The following CLSTN2 variants were observed in gnomAD, a reference collection of about 807,000 sequenced individuals.
The protein encoded by CLSTN2 is calsyntenin-2.
In CLSTN2, 48 loss-of-function variants were observed where a neutral mutation model predicts 101.2. The ratio of observed to expected loss-of-function variants is 0.47; its 90% confidence interval spans 0.38 to 0.60. The LOEUF (loss-of-function observed/expected upper bound fraction) is 0.60, where lower values mean the gene tolerates loss of function less well. Ranked by LOEUF, CLSTN2 falls within the 20% of genes least tolerant of loss-of-function variation. The pLI is 0.00. For synonymous variants in CLSTN2, 481 were observed against 463.6 expected, an observed-to-expected ratio of 1.04 and a Z score of -0.48; for missense variants, 1,160 against 1,238.2, an observed-to-expected ratio of 0.94 and a Z score of 0.95.
intron 2 of CLSTN2, among the ~76,000 whole-genome samples, chr3:140,261,885 AT>A (rs1477671932): frequency 2.0e-5 from 3 of 151,928 alleles, no homozygotes; most frequent in East Asian, 1.9e-4. Flanking sequence ...CCCACCTTCT[AT>A]TTTTTTATGG....
chr3:140,348,796 G>C (rs917993755), intron 2 of CLSTN2, among the ~76,000 whole-genome samples: 3 of 152,132 alleles, frequency 2.0e-5, no homozygotes, highest in African/African-American at 7.2e-5. Context: ...TTCCCCGAAG[G>C]TTCCACTGTG....
intron 1 of CLSTN2, among the ~76,000 whole-genome samples, chr3:140,115,267 C>T (rs546558180): frequency 6.6e-5 from 10 of 152,320 alleles, no homozygotes; most frequent in Admixed American, 4.6e-4. Context: ...TTCCTGGTTA[C>T]AAGACACCAT....
chr3:140,105,652 G>A (rs2009043795), intron 1 of CLSTN2, among the ~76,000 whole-genome samples: 2 of 152,178 alleles, frequency 1.3e-5, no homozygotes, highest in Admixed American at 6.5e-5. Flanking sequence ...GGGAGTGTGA[G>A]GCAGGGTGGG....
intron 2 of CLSTN2, among the ~76,000 whole-genome samples, chr3:140,290,447 T>G (rs1463221030): frequency 6.6e-6 from 1 of 152,094 alleles, no homozygotes; most frequent in African/African-American, 2.4e-5. Context: ...GGAAGACCAA[T>G]GCATGCCTCT....
At position 140,573,005 on chromosome 3, in the gene CLSTN2, T is replaced by C. The variant is rs1559909256; in HGVS notation, c.*6752T>C. ...AATTCCTGCCTGCCTGCCCCTTCTA[T>C]CCTAGAGAGAGAGACTGCCCAGGAG... On this transcript the variant is annotated 3_prime_UTR_variant, in exon 17 of 17. Transcript: ENST00000458420. 6.6e-6 allele frequency: 1 copy of C among 152,272 alleles called. No homozygotes were observed. The highest frequency in any genetic ancestry group is 1.5e-5 in the Non-Finnish European group (1 of 68,136). 9.4% of individuals were successfully genotyped at this position (152,272 alleles called of 1,614,324 possible). A position where few individuals can be genotyped will look rare whatever the true frequency, so the allele number is the denominator to read the frequency against.
intron 1 of CLSTN2, among the ~76,000 whole-genome samples, chr3:140,074,311 G>A (rs2008449723): frequency 6.6e-6 from 1 of 152,130 alleles, no homozygotes; most frequent in Non-Finnish European, 1.5e-5. Context: ...CCCAACAGTG[G>A]ATGGACAGAG....
intron 6 of CLSTN2, among the ~76,000 whole-genome samples, chr3:140,457,272 G>A (rs908897862): frequency 6.6e-6 from 1 of 152,182 alleles, no homozygotes; most frequent in African/African-American, 2.4e-5. Context: ...TGCTCAGCCT[G>A]CATCTCTCTG....
chr3:140,467,596 G>T (rs1576584520), intron 8 of CLSTN2, among the ~76,000 whole-genome samples: 1 of 152,162 alleles, frequency 6.6e-6, no homozygotes, highest in South Asian at 2.1e-4. Context: ...ACCTCATTTT[G>T]TTTTTATTCT....
intron 1 of CLSTN2, among the ~76,000 whole-genome samples, chr3:139,949,272 T>C (rs1407187515): frequency 1.3e-5 from 2 of 152,130 alleles, no homozygotes; most frequent in Non-Finnish European, 2.9e-5. Context: ...ATGGATGAAG[T>C]AGGTGGATGA....
intron 1 of CLSTN2, among the ~76,000 whole-genome samples, chr3:139,978,075 G>T (rs1167788173): frequency 6.6e-6 from 1 of 152,158 alleles, no homozygotes; most frequent in African/African-American, 2.4e-5. Flanking sequence ...CAGAGAAAGG[G>T]CTTGTGCAGA....
Position 139,943,341 on chromosome 3 carries a change from C to T in CLSTN2, c.109+7858C>T, listed in dbSNP as rs985386074. On this transcript the variant is annotated intron_variant, in intron 1 of 16. Coordinates refer to ENST00000458420, the MANE Select transcript of CLSTN2 (RefSeq NM_022131.3). ...AAAGCACTAAATTCTAATTTTGACCCCCTCTCCAACCCTCCCATTATGCTG... is the reference window on the plus strand; with the variant it reads ...AAAGCACTAAATTCTAATTTTGACCTCCTCTCCAACCCTCCCATTATGCTG... 2.6e-5 allele frequency among the ~76,000 whole-genome samples: 4 copies of T among 152,118 alleles called. No individual in the cohort carries two copies. In the South Asian group the frequency reaches 8.3e-4, roughly 32 times the overall value.
At chr3:140,291,143 G>A (rs1473417641) in intron 2 of CLSTN2, among the ~76,000 whole-genome samples, 3 of 151,996 alleles carry the variant, frequency 2.0e-5, no homozygotes, top group Admixed American at 6.6e-5. Flanking sequence ...TGTCCCATGT[G>A]GTTATTAAAA....
Position 140,575,205 on chromosome 3 carries a change from A to G in CLSTN2, c.*8952A>G, listed in dbSNP as rs990789354. 3 of 152,172 alleles carry G rather than the reference A, an allele frequency of 2.0e-5. No homozygotes were observed. The highest frequency in any genetic ancestry group is 4.4e-5 in the Non-Finnish European group (3 of 68,050). 9.4% of individuals were successfully genotyped at this position (152,172 alleles called of 1,614,324 possible). On this transcript the variant is annotated 3_prime_UTR_variant, in exon 17 of 17. Transcript: ENST00000458420. ...TTTTTGGCGTGGAGGAGAAATTTAG[A>G]CTTGAAAGTCAGGGCTGATCACTCA... is the stretch of plus-strand genomic sequence containing the variant.
At chr3:140,162,682 G>A (rs566860787) in intron 1 of CLSTN2, among the ~76,000 whole-genome samples, 2 of 152,200 alleles carry the variant, frequency 1.3e-5, no homozygotes, top group East Asian at 3.9e-4. Context: ...TATCTTTTCA[G>A]GAAGGAGTCA....
chr3:140,353,266 T>C (rs2087631917), intron 2 of CLSTN2, among the ~76,000 whole-genome samples: 1 of 151,116 alleles, frequency 6.6e-6, no homozygotes, highest in East Asian at 1.9e-4. Flanking sequence ...TATATATATG[T>C]TTATTAAGTT....
chr3:140,230,844 G>A (rs1243969441), intron 2 of CLSTN2, among the ~76,000 whole-genome samples: 2 of 152,072 alleles, frequency 1.3e-5, no homozygotes, highest in Non-Finnish European at 2.9e-5. Context: ...ATCCGTGCAG[G>A]GAATCACTCC....
At chr3:140,172,012 G>A (rs573327126) in intron 1 of CLSTN2, among the ~76,000 whole-genome samples, 1 of 147,756 alleles carries the variant, frequency 6.8e-6, no homozygotes, top group Non-Finnish European at 1.5e-5. Flanking sequence ...GGAAAGTTAC[G>A]CTTTGTGGAG....
At chr3:140,222,610 C>T (rs972449495) in intron 2 of CLSTN2, among the ~76,000 whole-genome samples, 2 of 151,904 alleles carry the variant, frequency 1.3e-5, no homozygotes, top group Non-Finnish European at 2.9e-5. Flanking sequence ...ACTATGTACC[C>T]ACAAAAATTA....
intron 8 of CLSTN2, among the ~76,000 whole-genome samples, chr3:140,476,913 C>A (rs986072038): frequency 2.0e-5 from 3 of 152,114 alleles, no homozygotes; most frequent in Non-Finnish European, 4.4e-5. Context: ...CCCGCCTTGG[C>A]CTCCCAAAGT....
Sources: gnomAD v4.1 joint callset for allele counts (sites outside exome capture counted in the v4.1 genomes callset) on GRCh38, gnomAD v4.1.1 for gene constraint, MANE v1.5 for transcripts, NCBI Gene and HGNC (gene_info 2026-07-23, HGNC 2026-07-21) for gene names.